The following HYAL4 variants were observed in gnomAD, a reference collection of about 807,000 sequenced individuals.
The protein encoded by HYAL4 is hyaluronidase-4.
In HYAL4, 37 loss-of-function variants were observed where a neutral mutation model predicts 35.2. The observed-to-expected ratio is 1.05, with a 90% CI of 0.81 to 1.38. The LOEUF (loss-of-function observed/expected upper bound fraction) is 1.38, where lower values mean the gene tolerates loss of function less well. Among genes scored for constraint, HYAL4 ranks in the 40% most tolerant of loss-of-function variants. HYAL4 has a pLI of 0.00. For missense variants in HYAL4, 572 were observed against 572.4 expected, an observed-to-expected ratio of 1.00 and a Z score of 0.01; for synonymous variants, 198 against 203.2, an observed-to-expected ratio of 0.97 and a Z score of 0.22.
chr7:123,768,875 T>C, the HYAL4 span, among the ~76,000 whole-genome samples: 1 of 152,250 alleles, frequency 6.6e-6, no homozygotes, highest in East Asian at 1.9e-4. Flanking sequence ...CAAATGATGT[T>C]GCCCCTGTTT....
the HYAL4 span, among the ~76,000 whole-genome samples, chr7:123,772,869 G>C: frequency 1.3e-5 from 2 of 152,192 alleles, no homozygotes; most frequent in African/African-American, 4.8e-5. Context: ...CACCAAGTGA[G>C]GGACAAGGAC....
At chr7:123,784,196 A>G in the HYAL4 span, among the ~76,000 whole-genome samples, 1 of 152,224 alleles carries the variant, frequency 6.6e-6, no homozygotes, top group South Asian at 2.1e-4. Context: ...TAATTTCAGT[A>G]TATTTGTTAA....
chr7:123,833,245 A>AT (rs995129953), intron 1 of HYAL4, among the ~76,000 whole-genome samples: 1 of 152,094 alleles, frequency 6.6e-6, no homozygotes, highest in African/African-American at 2.4e-5. Context: ...GACATCTATT[A>AT]TTTTTTGATT....
chr7:123,858,672 A>T (rs920625393), intron 2 of HYAL4, among the ~76,000 whole-genome samples: 1 of 152,202 alleles, frequency 6.6e-6, no homozygotes. Context: ...AACAGAATAG[A>T]CATCAATACT....
At chr7:123,769,836 AC>A in the HYAL4 span, among the ~76,000 whole-genome samples, 2 of 151,748 alleles carry the variant, frequency 1.3e-5, no homozygotes, top group Non-Finnish European at 2.9e-5. Flanking sequence ...AAAAAAAAAA[AC>A]ACCGTTAAAC....
the HYAL4 span, among the ~76,000 whole-genome samples, chr7:123,799,148 A>G: frequency 1.3e-5 from 2 of 152,134 alleles, no homozygotes; most frequent in Non-Finnish European, 1.5e-5. Flanking sequence ...ACTCATTACA[A>G]ACTCTTTTAG....
rs186357863 is a variant in HYAL4, at chr7:123,846,693, G to A, written c.-122+1008G>A. The stretch of plus-strand genomic sequence containing the variant: ...CAGGTTCTGTTGGAATTGTTACAAA[G>A]TTCAGCTGGAGGTTTCCTTTTCCCT... On this transcript the variant is annotated intron_variant, in intron 1 of 4. Transcript: ENST00000223026. Among the ~76,000 whole-genome samples, 698 of 152,244 alleles carry A rather than the reference G, an allele frequency of 4.6e-3. 14 individuals are homozygous for A. Among genetic ancestry groups the A allele is most frequent in the Middle Eastern group, 3.4e-3 (1 of 294 alleles).
intron 2 of HYAL4, among the ~76,000 whole-genome samples, chr7:123,852,499 C>T (rs1806330580): frequency 6.6e-6 from 1 of 152,136 alleles, no homozygotes; most frequent in Non-Finnish European, 1.5e-5. Flanking sequence ...ATAGGGAATC[C>T]TTTTCCCCTT....
At chr7:123,767,081 TA>T in the HYAL4 span, among the ~76,000 whole-genome samples, 1 of 152,204 alleles carries the variant, frequency 6.6e-6, no homozygotes, top group Admixed American at 6.5e-5. Context: ...AACTATCAAA[TA>T]AAAAATTATA....
At chr7:123,810,632 AC>A in the HYAL4 span, among the ~76,000 whole-genome samples, 3 of 152,212 alleles carry the variant, frequency 2.0e-5, no homozygotes, top group Non-Finnish European at 4.4e-5. Context: ...CCAGAGTGGT[AC>A]ATTTATTATA....
At chr7:123,804,366 T>G in the HYAL4 span, among the ~76,000 whole-genome samples, 3 of 152,194 alleles carry the variant, frequency 2.0e-5, no homozygotes, top group Non-Finnish European at 4.4e-5. Flanking sequence ...TCTTCAGTGT[T>G]TATCTTGAAG....
At chr7:123,764,042 G>A in the HYAL4 span, among the ~76,000 whole-genome samples, 2 of 152,158 alleles carry the variant, frequency 1.3e-5, no homozygotes, top group African/African-American at 4.8e-5. Flanking sequence ...GAATGCAATG[G>A]CAAGATCATG....
chr7:123,854,540 T>G (rs1198417926), intron 2 of HYAL4, among the ~76,000 whole-genome samples: 1 of 152,188 alleles, frequency 6.6e-6, no homozygotes, highest in Non-Finnish European at 1.5e-5. Context: ...TTTGAATGAG[T>G]TTCTTAATCC....
intron 2 of HYAL4, among the ~76,000 whole-genome samples, chr7:123,855,392 G>T (rs1428629114): frequency 6.6e-6 from 1 of 152,100 alleles, no homozygotes; most frequent in Non-Finnish European, 1.5e-5. Flanking sequence ...TGTAAGGCAG[G>T]CCTGATGGTA....
the HYAL4 span, among the ~76,000 whole-genome samples, chr7:123,780,035 CTG>C: frequency 1.3e-5 from 2 of 152,150 alleles, no homozygotes; most frequent in Admixed American, 1.3e-4. Flanking sequence ...CTCATTAAGA[CTG>C]TAGGCTCTAA....
chr7:123,795,610 C>T, the HYAL4 span, among the ~76,000 whole-genome samples: 1 of 152,104 alleles, frequency 6.6e-6, no homozygotes, highest in African/African-American at 2.4e-5. Context: ...TTGTTGCCAC[C>T]CTGTGAAGAA....
chr7:123,869,161 T>C lies in HYAL4; in HGVS notation c.888T>C (p.Tyr296=), dbSNP rs2116958708. 6.2e-7 allele frequency: 1 copy of C among 1,614,168 alleles called. No individual in the cohort carries two copies. The highest frequency in any genetic ancestry group is 2.2e-5 in the East Asian group (1 of 44,872). The change falls in exon 3 of 5, where the codon TAT becomes TAC. Residue 296 remains tyrosine, a synonymous_variant. Transcript: ENST00000223026. ...TCTCCACCATGACATCTCATGATTA[T>C]GCTCTGCCTGTATTTGTCTACACAA... The part of the protein sequence containing the change: ...MRISTMTSHD[Y]ALPVFVYTRL...
At chr7:123,857,541 G>C (rs1218028466) in intron 2 of HYAL4, among the ~76,000 whole-genome samples, 1 of 151,980 alleles carries the variant, frequency 6.6e-6, no homozygotes, top group Non-Finnish European at 1.5e-5. Context: ...AATGAGATGA[G>C]CCAGGTACTT....
upstream of HYAL4, among the ~76,000 whole-genome samples, chr7:123,824,626 G>A (rs1192796207): frequency 1.3e-5 from 2 of 151,960 alleles, no homozygotes; most frequent in Non-Finnish European, 2.9e-5. Flanking sequence ...TTTGAACAAT[G>A]CAGGCTTTAG....
Sources: allele counts gnomAD v4.1 joint callset (sites outside exome capture counted in the v4.1 genomes callset), GRCh38; gene constraint gnomAD v4.1.1; transcripts MANE v1.5; gene names NCBI Gene and HGNC (gene_info 2026-07-23, HGNC 2026-07-21).